Variants in HRH3 observed in about 807,000 individuals in gnomAD.
HRH3 encodes the protein histamine receptor H3.
Under a neutral mutation model 21.6 loss-of-function variants are expected in HRH3, and 13 were observed. That is an observed-to-expected ratio of 0.60 (90% CI 0.39 to 0.96). HRH3 has a LOEUF of 0.96. HRH3 is among the 40% of genes least tolerant of loss of function. The pLI is 0.00. For missense variants in HRH3, 461 were observed against 622.7 expected, an observed-to-expected ratio of 0.74 and a Z score of 2.76; for synonymous variants, 276 against 290.3, an observed-to-expected ratio of 0.95 and a Z score of 0.50.
At position 62,219,413 on chromosome 20, in the gene HRH3, G is replaced by A. The variant is rs956858550; in HGVS notation, c.250+308C>T. Among the ~76,000 whole-genome samples the A allele has an allele frequency of 2.6e-5, 4 of 151,426 alleles. No homozygotes were observed. The highest frequency in any genetic ancestry group is 7.3e-5 in the African/African-American group (3 of 41,162). ...TGCGCCCTCCGCGCGTCCTAAGTCCGCAGCAGCCTTTGTTTGGCTACAGCG... is the reference window on the plus strand; with the variant it reads ...TGCGCCCTCCGCGCGTCCTAAGTCCACAGCAGCCTTTGTTTGGCTACAGCG... On this transcript the variant is annotated intron_variant, in intron 1 of 2. Transcript: ENST00000340177. The surrounding 1 kb of genome is among the most constrained non-coding windows in gnomAD (Gnocchi z 8.7).
Position 62,219,064 on chromosome 20 carries a change from G to C in HRH3, c.251-407C>G, listed in dbSNP as rs1041306527. Among the ~76,000 whole-genome samples the C allele has an allele frequency of 2.6e-5, 4 of 151,128 alleles. No individual in the cohort carries two copies. The highest frequency in any genetic ancestry group is 5.9e-5 in the Non-Finnish European group (4 of 67,790). On this transcript the variant is annotated intron_variant, in intron 1 of 2. Transcript: ENST00000340177. This position sits in a 1 kb window ranked among gnomAD's most constrained non-coding sequence, Gnocchi z 8.7. ...CCTACCCTGGCGCTGGACAACCCTC[G>C]GTCTCAGCTTAGACAAGGAGAAAGC...
At position 62,219,986 on chromosome 20, in the gene HRH3, C is replaced by T; in HGVS notation, c.-16G>A. ...CGCGCTCCATGGCCCCGCAGGCTCA[C>T]GCGGCTCCGGGACGCGGGGCAGGGC... On this transcript the variant is annotated 5_prime_UTR_variant, in exon 1 of 3. The change creates a new upstream start codon in the 5' untranslated region. Transcript: ENST00000340177. The surrounding 1 kb of genome is among the most constrained non-coding windows in gnomAD (Gnocchi z 8.7). 9.9e-7 allele frequency: 1 copy of T among 1,011,802 alleles called. No homozygotes were observed. Among genetic ancestry groups the T allele is most frequent in the Non-Finnish European group, 1.2e-6 (1 of 849,832 alleles). 62.7% of individuals were successfully genotyped at this position (1,011,802 alleles called of 1,614,324 possible). A position where few individuals can be genotyped will look rare whatever the true frequency, so the allele number is the denominator to read the frequency against.
In HRH3 at chr20:62,215,692, C is replaced by T; in HGVS notation, c.*314G>A. 2.2e-6 allele frequency: 1 copy of T among 454,786 alleles called. No individual in the cohort carries two copies. The highest frequency in any genetic ancestry group is 4.3e-5 in the East Asian group (1 of 23,388). 28.2% of individuals were successfully genotyped at this position (454,786 alleles called of 1,614,324 possible). A position where few individuals can be genotyped will look rare whatever the true frequency, so the allele number is the denominator to read the frequency against. ...GTGCTTGCTTTGGGAAGAACACCAA[C>T]CAGTAACTGCGAAGGGTGGGCACCA... On this transcript the variant is annotated 3_prime_UTR_variant, in exon 3 of 3. Transcript: ENST00000340177.
At position 62,216,711 on chromosome 20, in the gene HRH3, G is replaced by A. The variant is rs200118865; in HGVS notation, c.633C>T (p.Phe211=). Residue 211 remains phenylalanine, a synonymous_variant, in exon 3 of 3, where the codon TTC becomes TTT. Transcript: ENST00000340177. ...TASTLEFFTP[F]LSVTFFNLSI... is the part of the protein sequence containing the mutation. ...TGAGGTTAAAGAAGGTGACGCTGAGGAAGGGCGTAAAGAACTCCAGGGTGG... is the reference window on the plus strand; with the variant it reads ...TGAGGTTAAAGAAGGTGACGCTGAGAAAGGGCGTAAAGAACTCCAGGGTGG... The A allele has an allele frequency of 9.3e-6, 15 of 1,613,332 alleles. No individual in the cohort carries two copies. The highest frequency in any genetic ancestry group is 4.4e-5 in the South Asian group (4 of 91,084).
At position 62,218,500 on chromosome 20, in the gene HRH3, G is replaced by T; in HGVS notation, c.408C>A (p.Val136=). 1 of 1,611,590 alleles carries T rather than the reference G, an allele frequency of 6.2e-7. No individual in the cohort carries two copies. The highest frequency in any genetic ancestry group is 1.1e-5 in the South Asian group (1 of 91,006). ...GCAGCCCAGGACTCACCGCTCGGGT[G>T]ACCGACAGGAAGCGGTCGTAGCTGA... The part of the protein sequence containing the change: ...VLISYDRFLS[V]TRAVSYRAQQ... The change falls in exon 2 of 3, where the codon GTC becomes GTA. Residue 136 remains valine (V), a synonymous_variant. Coordinates refer to ENST00000340177, the MANE Select transcript of HRH3 (RefSeq NM_007232.3). The surrounding 1 kb of genome is among the most constrained non-coding windows in gnomAD (Gnocchi z 5.6).
chr20:62,217,028 A>T (rs543444914), intron 2 of HRH3, 102 bp from the exon 3 acceptor site: 6 of 1,140,576 alleles, frequency 5.3e-6, no homozygotes, highest in African/African-American at 1.6e-5. Flanking sequence ...CCTCAGCAGC[A>T]ATGCTCCTCC....
In HRH3 at chr20:62,218,420, C is replaced by G; in HGVS notation, c.417+71G>C. ...CACAACTCAGAAGTGGCCGTCCCCACCCAGGTGCCTCCCATGGGCGTCCCG... is the reference window on the plus strand; with the variant it reads ...CACAACTCAGAAGTGGCCGTCCCCAGCCAGGTGCCTCCCATGGGCGTCCCG... On this transcript the variant is annotated intron_variant, in intron 2 of 2. Transcript: ENST00000340177. The surrounding 1 kb of genome is among the most constrained non-coding windows in gnomAD (Gnocchi z 5.6). 5.9e-6 allele frequency: 9 copies of G among 1,531,736 alleles called. No homozygotes were observed. The highest frequency in any genetic ancestry group is 7.9e-6 in the Non-Finnish European group (9 of 1,135,708). 94.9% of individuals were successfully genotyped at this position (1,531,736 alleles called of 1,614,324 possible). A position where few individuals can be genotyped will look rare whatever the true frequency, so the allele number is the denominator to read the frequency against.
rs200288224 is a variant in HRH3 at position 62,215,719 on chromosome 20, C to G, written c.*287G>C. Reference sequence around the variant, plus strand: ...AGTAACTGCGAAGGGTGGGCACCAGCAGGGGGTGGGCAGCATGTCTGGGAC... The same window carrying G: ...AGTAACTGCGAAGGGTGGGCACCAGGAGGGGGTGGGCAGCATGTCTGGGAC... On this transcript the variant is annotated 3_prime_UTR_variant, in exon 3 of 3. Coordinates refer to ENST00000340177, the MANE Select transcript of HRH3 (RefSeq NM_007232.3). 7.9e-6 allele frequency: 4 copies of G among 505,878 alleles called. No homozygotes were observed. The highest frequency in any genetic ancestry group is 1.4e-5 in the Non-Finnish European group (4 of 277,466). The allele number at this position is 505,878 out of a possible 1,614,324, so 31.3% of individuals were successfully genotyped here.
In HRH3 at chr20:62,218,384, C is replaced by T; in HGVS notation, c.417+107G>A. ...AGCAGCAAAGCCAGTGGGACCAAGC[C>T]CACTTCTGCCCACAACTCAGAAGTG... On this transcript the variant is annotated intron_variant, in intron 2 of 2. Coordinates refer to ENST00000340177, the MANE Select transcript of HRH3 (RefSeq NM_007232.3). The surrounding 1 kb of genome is among the most constrained non-coding windows in gnomAD (Gnocchi z 5.6). 7.8e-7 allele frequency: 1 copy of T among 1,289,326 alleles called. No individual in the cohort carries two copies. The highest frequency in any genetic ancestry group is 1.1e-6 in the Non-Finnish European group (1 of 944,374). 79.9% of individuals were successfully genotyped at this position (1,289,326 alleles called of 1,614,324 possible).
Position 62,215,912 on chromosome 20 carries a change from C to G in HRH3, c.*94G>C. The G allele has an allele frequency of 7.9e-7, 1 of 1,264,008 alleles. No homozygotes were observed. The highest frequency in any genetic ancestry group is 1.1e-6 in the Non-Finnish European group (1 of 932,574). The allele number at this position is 1,264,008 out of a possible 1,614,324, so 78.3% of individuals were successfully genotyped here. A position where few individuals can be genotyped will look rare whatever the true frequency, so the allele number is the denominator to read the frequency against. On this transcript the variant is annotated 3_prime_UTR_variant, in exon 3 of 3. Transcript: ENST00000340177. The stretch of plus-strand genomic sequence containing the variant: ...GCCACAGACACGGCGGGGCTCACCC[C>G]TGGGGGAACGAGCCGGGTAGGGGGC...
At position 62,219,588 on chromosome 20, in the gene HRH3, GC is replaced by G; in HGVS notation, c.250+132del. On this transcript the variant is annotated intron_variant, in intron 1 of 2. Transcript: ENST00000340177. The surrounding 1 kb of genome is among the most constrained non-coding windows in gnomAD (Gnocchi z 8.7). ...GCCCCCCACCCCATGGGCTCCGGACGCCCCCTTCCCAGGCCGGGTCCCCTGG... is the reference window on the plus strand; with the variant it reads ...GCCCCCCACCCCATGGGCTCCGGACGCCCCTTCCCAGGCCGGGTCCCCTGG... 2 of 1,155,994 alleles carry G rather than the reference GC, an allele frequency of 1.7e-6. No homozygotes were observed. The highest frequency in any genetic ancestry group is 1.6e-5 in the South Asian group (1 of 64,350). 71.6% of individuals were successfully genotyped at this position (1,155,994 alleles called of 1,614,324 possible). A position where few individuals can be genotyped will look rare whatever the true frequency, so the allele number is the denominator to read the frequency against.
chr20:62,220,119 G>C lies in HRH3; in HGVS notation c.-149C>G. ...TGGGGGCGCCCAGCGCATGGTCCGCGGGGCCGGGGCCGGGGCCAGAGCAGG... is the reference window on the plus strand; with the variant it reads ...TGGGGGCGCCCAGCGCATGGTCCGCCGGGCCGGGGCCGGGGCCAGAGCAGG... On this transcript the variant is annotated 5_prime_UTR_variant, in exon 1 of 3. Coordinates refer to ENST00000340177, the MANE Select transcript of HRH3 (RefSeq NM_007232.3). 1 of 556,756 alleles carries C rather than the reference G, an allele frequency of 1.8e-6. No individual in the cohort carries two copies. Among genetic ancestry groups the C allele is most frequent in the South Asian group, 7.4e-5 (1 of 13,532 alleles). 34.5% of individuals were successfully genotyped at this position (556,756 alleles called of 1,614,324 possible). A position where few individuals can be genotyped will look rare whatever the true frequency, so the allele number is the denominator to read the frequency against.
rs1330090798 is a variant in HRH3, at chr20:62,219,111, A to C, written c.251-454T>G. On this transcript the variant is annotated intron_variant, in intron 1 of 2. Coordinates refer to ENST00000340177, the MANE Select transcript of HRH3 (RefSeq NM_007232.3). The surrounding 1 kb of genome is among the most constrained non-coding windows in gnomAD (Gnocchi z 8.7). ...AAGCCTTTCTCCTGGCTGAAAGGGC[A>C]CTTGGTTGCAGCCGCCAGCCGCCAG... Among the ~76,000 whole-genome samples, 1 of 151,852 alleles carries C rather than the reference A, an allele frequency of 6.6e-6. No individual in the cohort carries two copies. The highest frequency in any genetic ancestry group is 1.5e-5 in the Non-Finnish European group (1 of 67,926).
rs1978568277 is a variant in HRH3 at position 62,216,557 on chromosome 20, GCCAGCAGCC to G, written c.778_786del (p.Gly260_Trp262del). On this transcript the variant is annotated inframe_deletion, in exon 3 of 3. Transcript: ENST00000340177. ...GGCATGGCCTCCCCGTGCCCCTTCT[GCCAGCAGCC>G]CCAGCAGCCAGGCGGTGGGGGTGGT... 5 of 1,604,930 alleles carry G rather than the reference GCCAGCAGCC, an allele frequency of 3.1e-6. No individual in the cohort carries two copies. The highest frequency in any genetic ancestry group is 1.1e-5 in the South Asian group (1 of 90,444).
rs1978718031 is a variant in HRH3, at chr20:62,219,427, T to C, written c.250+294A>G. On this transcript the variant is annotated intron_variant, in intron 1 of 2. Transcript: ENST00000340177. This position sits in a 1 kb window ranked among gnomAD's most constrained non-coding sequence, Gnocchi z 8.7. ...GTCCTAAGTCCGCAGCAGCCTTTGTTTGGCTACAGCGCAGGAGCCAGAGCT... is the reference window on the plus strand; with the variant it reads ...GTCCTAAGTCCGCAGCAGCCTTTGTCTGGCTACAGCGCAGGAGCCAGAGCT... Among the ~76,000 whole-genome samples the C allele has an allele frequency of 6.6e-6, 1 of 152,164 alleles. No individual in the cohort carries two copies. Among genetic ancestry groups the C allele is most frequent in the South Asian group, 2.1e-4 (1 of 4,826 alleles).
Position 62,220,215 on chromosome 20 carries a change from G to A in HRH3, c.-245C>T. 6.2e-6 allele frequency: 1 copy of A among 160,452 alleles called. No individual in the cohort carries two copies. Among genetic ancestry groups the A allele is most frequent in the Non-Finnish European group, 1.3e-5 (1 of 77,116 alleles). The allele number at this position is 160,452 out of a possible 1,614,324, so 9.9% of individuals were successfully genotyped here. On this transcript the variant is annotated 5_prime_UTR_variant, in exon 1 of 3. Transcript: ENST00000340177. The stretch of plus-strand genomic sequence containing the variant: ...CAGCGCGGCTGCTGCAGCGGGAGAG[G>A]AGCCGGAGCCTGAGCCGCTGCCGGT...
Position 62,216,514 on chromosome 20 carries a change from A to C in HRH3, c.830T>G (p.Val277Gly). 1 of 1,588,418 alleles carries C rather than the reference A, an allele frequency of 6.3e-7. No individual in the cohort carries two copies. Residue 277 changes from valine (V) to glycine (G), a missense_variant, in exon 3 of 3, where the codon GTG (valine) becomes GGG (glycine). Physicochemically the swap from Val to Gly is moderately radical, Grantham distance 109. This residue lies in a region of HRH3 where 163 missense variants were observed against 139.4 expected (regional missense o/e 1.17). Transcript: ENST00000340177. Reference protein sequence around the residue: ...GEAMPLHRYGVGEAAVGAEAG... With the variant: ...GEAMPLHRYGGGEAAVGAEAG... The stretch of plus-strand genomic sequence containing the variant: ...CTCAGCGCCTACGGCCGCCTCACCC[A>C]CCCCATACCTGTGCAGCGGCATGGC...
Position 62,216,693 on chromosome 20 carries a change from AAAG to A in HRH3, c.648_650del (p.Phe217del). 6.2e-7 allele frequency: 1 copy of A among 1,613,168 alleles called. No homozygotes were observed. The highest frequency in any genetic ancestry group is 8.5e-7 in the Non-Finnish European group (1 of 1,179,970). ...GGATGTTCAGGTAGATGCTGAGGTTAAAGAAGGTGACGCTGAGGAAGGGCGTAA... is the reference window on the plus strand; with the variant it reads ...GGATGTTCAGGTAGATGCTGAGGTTAAAGGTGACGCTGAGGAAGGGCGTAA... On this transcript the variant is annotated inframe_deletion, in exon 3 of 3. Transcript: ENST00000340177.
At position 62,218,353 on chromosome 20, in the gene HRH3, T is replaced by C. The variant is rs1978665605; in HGVS notation, c.417+138A>G. The C allele has an allele frequency of 1.0e-6, 1 of 987,516 alleles. No individual in the cohort carries two copies. The highest frequency in any genetic ancestry group is 1.6e-5 in the African/African-American group (1 of 61,570). The allele number at this position is 987,516 out of a possible 1,614,324, so 61.2% of individuals were successfully genotyped here. A position where few individuals can be genotyped will look rare whatever the true frequency, so the allele number is the denominator to read the frequency against. ...GGGCAGCTGGCCGTCGAGTGGCCCA[T>C]GTGTCAGCAGCAAAGCCAGTGGGAC... On this transcript the variant is annotated intron_variant, in intron 2 of 2. Transcript: ENST00000340177. This position sits in a 1 kb window ranked among gnomAD's most constrained non-coding sequence, Gnocchi z 5.6.
Sources: gnomAD v4.1 joint callset for allele counts (sites outside exome capture counted in the v4.1 genomes callset) on GRCh38, gnomAD v4.1.1 for gene constraint, gnomAD v4.1.1 regional missense constraint, Gnocchi (gnomAD v3.1) non-coding constraint, MANE v1.5 for transcripts, NCBI Gene and HGNC (gene_info 2026-07-23, HGNC 2026-07-21) for gene names.